PHLDB2: variants seen among roughly 807,000 people sequenced by gnomAD.
PHLDB2 encodes the protein pleckstrin homology like domain family B member 2.
A neutral mutation model predicts 123.6 loss-of-function variants in PHLDB2; 71 were observed. That is an observed-to-expected ratio of 0.57 (90% CI 0.47 to 0.70). The LOEUF (loss-of-function observed/expected upper bound fraction) is 0.70, where lower values mean the gene tolerates loss of function less well. Ranked by LOEUF, PHLDB2 falls within the 30% of genes least tolerant of loss-of-function variation. The probability of loss-of-function intolerance (pLI) is 0.00; values close to 1 mark genes in which losing one functional copy is unlikely to be tolerated. For synonymous variants in PHLDB2, 547 were observed against 541.6 expected (o/e 1.01, Z -0.14); for missense variants, 1,446 against 1,519.5 (o/e 0.95, Z 0.80).
chr3:111,919,110 G>A lies in PHLDB2; in HGVS notation c.1758G>A (p.Glu586=). The A allele has an allele frequency of 6.2e-7, 1 of 1,614,102 alleles. No homozygotes were observed. The highest frequency in any genetic ancestry group is 1.1e-5 in the South Asian group (1 of 91,082). The change falls in exon 4 of 18, where the codon GAG becomes GAA. Residue 586 remains glutamate (E), a synonymous_variant. Coordinates refer to ENST00000431670, the MANE Select transcript of PHLDB2 (RefSeq NM_001134438.2). ...TAAGTGAAGAACAGAGATCTCAGGAGTTGGCTGCAATGGAAGAAACCCGGA... is the reference window on the plus strand; with the variant it reads ...TAAGTGAAGAACAGAGATCTCAGGAATTGGCTGCAATGGAAGAAACCCGGA... The part of the protein sequence containing the change: ...EGISEEQRSQ[E]LAAMEETRIV...
At chr3:111,772,553 G>T (rs2060196063) in intron 1 of PHLDB2, among the ~76,000 whole-genome samples, 1 of 152,152 alleles carries the variant, frequency 6.6e-6, no homozygotes, top group Non-Finnish European at 1.5e-5. Flanking sequence ...ACTCAGAAAT[G>T]CCTAGATCAG....
At chr3:111,879,292 G>A (rs144369341) in intron 1 of PHLDB2, among the ~76,000 whole-genome samples, 256 of 152,304 alleles carry the variant, frequency 1.7e-3, no homozygotes, top group African/African-American at 5.9e-3. Context: ...GAGGGTATGT[G>A]TCCAGGAATT....
In PHLDB2 at chr3:111,913,309, T is replaced by C. The variant is rs1577069413; in HGVS notation, c.1336-10T>C. 2 of 1,568,586 alleles carry C rather than the reference T, an allele frequency of 1.3e-6. No homozygotes were observed. The highest frequency in any genetic ancestry group is 3.8e-5 in the Admixed American group (2 of 52,912). ...AACCCACTGACCTCCCCCTCCTCCCTGTGTTCCAGGAGAGACAGCGTCTGG... is the reference window on the plus strand; with the variant it reads ...AACCCACTGACCTCCCCCTCCTCCCCGTGTTCCAGGAGAGACAGCGTCTGG... On this transcript the variant is annotated splice_polypyrimidine_tract_variant and intron_variant, in intron 2 of 17. Transcript: ENST00000431670.
chr3:111,899,985 C>T (rs1043126076), intron 2 of PHLDB2, among the ~76,000 whole-genome samples: 2 of 152,212 alleles, frequency 1.3e-5, no homozygotes, highest in Non-Finnish European at 2.9e-5. Flanking sequence ...TCTACTTCAG[C>T]ATATTCTGTT....
At chr3:111,939,413 T>C in intron 6 of PHLDB2, 62 bp from the exon 7 acceptor site, 10 of 1,503,116 alleles carry the variant, frequency 6.7e-6, no homozygotes, top group Non-Finnish European at 9.0e-6. Context: ...TAAATGTTTC[T>C]TCACATTAAG....
At chr3:111,906,598 ATGT>A (rs1389595521) in intron 2 of PHLDB2, among the ~76,000 whole-genome samples, 1 of 152,250 alleles carries the variant, frequency 6.6e-6, no homozygotes. Flanking sequence ...TGTATTGAGC[ATGT>A]TTGAGAAAGG....
chr3:111,776,290 G>A (rs1236895527), intron 1 of PHLDB2, among the ~76,000 whole-genome samples: 2 of 152,124 alleles, frequency 1.3e-5, no homozygotes, highest in African/African-American at 4.8e-5. Context: ...GGGAAGGAAA[G>A]GGGATAGAAA....
At chr3:111,761,070 A>G (rs182180685) in intron 1 of PHLDB2, among the ~76,000 whole-genome samples, 72 of 151,972 alleles carry the variant, frequency 4.7e-4, no homozygotes, top group African/African-American at 1.7e-3. Flanking sequence ...TTGTAGTCCC[A>G]GCTACTAGGG....
At chr3:111,811,460 T>G (rs1214507488) in intron 1 of PHLDB2, among the ~76,000 whole-genome samples, 2 of 152,138 alleles carry the variant, frequency 1.3e-5, no homozygotes, top group African/African-American at 4.8e-5. Context: ...GGCCAGTGAG[T>G]GTCAAGCTTT....
At chr3:111,757,729 G>T (rs1348914898) in intron 1 of PHLDB2, among the ~76,000 whole-genome samples, 1 of 152,136 alleles carries the variant, frequency 6.6e-6, no homozygotes, top group Non-Finnish European at 1.5e-5. Context: ...CTTCGATGTT[G>T]GTGATGTACA....
At chr3:111,869,223 C>T (rs192080733) in intron 1 of PHLDB2, among the ~76,000 whole-genome samples, 122 of 152,056 alleles carry the variant, frequency 8.0e-4, no homozygotes, top group Admixed American at 3.4e-3. Context: ...AGAAGGGAAT[C>T]GTAGCCTGGG....
chr3:111,876,818 G>A (rs1415480704), intron 1 of PHLDB2, among the ~76,000 whole-genome samples: 5 of 152,112 alleles, frequency 3.3e-5, no homozygotes, highest in African/African-American at 7.2e-5. Context: ...AGAACATGCC[G>A]TGTTTGGTTT....
chr3:111,834,399 A>C (rs1441265291), intron 1 of PHLDB2, among the ~76,000 whole-genome samples: 2 of 146,372 alleles, frequency 1.4e-5, no homozygotes, highest in Non-Finnish European at 3.0e-5. Context: ...ATGTGTGTAT[A>C]TATATACACA....
chr3:111,842,364 T>C (rs2063733657), intron 1 of PHLDB2, among the ~76,000 whole-genome samples: 1 of 152,210 alleles, frequency 6.6e-6, no homozygotes, highest in Non-Finnish European at 1.5e-5. Flanking sequence ...TTTCCCCTTA[T>C]TAACATCCCC....
At chr3:111,965,967 T>C (rs2107676184) in intron 13 of PHLDB2, among the ~76,000 whole-genome samples, 1 of 152,330 alleles carries the variant, frequency 6.6e-6, no homozygotes, top group Non-Finnish European at 1.5e-5. Flanking sequence ...TAAATCTCTT[T>C]ATACAGTTTT....
intron 5 of PHLDB2, among the ~76,000 whole-genome samples, chr3:111,930,410 C>CTTT (rs2069071732): frequency 6.6e-6 from 1 of 151,450 alleles, no homozygotes; most frequent in African/African-American, 2.4e-5. Flanking sequence ...AATGAGTAGT[C>CTTT]TTCTTTTTTA....
chr3:111,832,093 C>G (rs1297384648), intron 1 of PHLDB2, among the ~76,000 whole-genome samples: 2 of 152,172 alleles, frequency 1.3e-5, no homozygotes, highest in African/African-American at 2.4e-5. Flanking sequence ...CACATCTTCT[C>G]TGAGCCCTAC....
intron 1 of PHLDB2, among the ~76,000 whole-genome samples, chr3:111,776,755 G>A (rs1032842653): frequency 1.3e-5 from 2 of 152,050 alleles, no homozygotes; most frequent in African/African-American, 2.4e-5. Context: ...ATTCAATAAC[G>A]TGTACTTCCT....
intron 16 of PHLDB2, 56 bp downstream of exon 16, chr3:111,969,965 G>A (rs1368944002): frequency 2.0e-5 from 30 of 1,532,236 alleles, no homozygotes; most frequent in Non-Finnish European, 2.5e-5. Context: ...CCCTGTTAAA[G>A]AGCAAAGGCA....
Sources: gnomAD v4.1 joint callset for allele counts (sites outside exome capture counted in the v4.1 genomes callset) on GRCh38, gnomAD v4.1.1 for gene constraint, MANE v1.5 for transcripts, NCBI Gene and HGNC (gene_info 2026-07-23, HGNC 2026-07-21) for gene names.